Variants in WASF3 observed in about 807,000 individuals in gnomAD.
WASF3 encodes the protein WASP family member 3.
WASF3 carries 11 observed loss-of-function variants against 46.6 expected under a neutral mutation model. The observed-to-expected ratio is 0.24, with a 90% CI of 0.15 to 0.39. The LOEUF is 0.39. Among genes scored for constraint, WASF3 ranks in the 10% least tolerant of loss-of-function variants. The pLI is 1.00. For missense variants in WASF3, 576 were observed against 669.8 expected (o/e 0.86, Z 1.55); for synonymous variants, 242 against 259.7 (o/e 0.93, Z 0.65).
rs371688317 is a variant in WASF3 at position 26,580,766 on chromosome 13, C to T, written c.-109+22947C>T. On this transcript the variant is annotated intron_variant, in intron 1 of 9. Transcript: ENST00000335327. ...TCAGCCTCCCGAGTAGCTGGGATTA[C>T]AGGCGTGTGCCACCACACCCGGCTA... is the stretch of plus-strand genomic sequence containing the variant. Among the ~76,000 whole-genome samples the T allele has an allele frequency of 1.1e-3, 169 of 151,828 alleles. 3 individuals are homozygous for T. The highest frequency in any genetic ancestry group is 6.4e-3 in the South Asian group (31 of 4,814).
At chr13:26,670,437 A>G (rs1882897326) in intron 5 of WASF3, among the ~76,000 whole-genome samples, 1 of 152,154 alleles carries the variant, frequency 6.6e-6, no homozygotes, top group African/African-American at 2.4e-5. Flanking sequence ...CATGGCACAT[A>G]TACCTGTGTA....
intron 1 of WASF3, among the ~76,000 whole-genome samples, chr13:26,610,445 C>G (rs1414934706): frequency 6.6e-6 from 1 of 152,122 alleles, no homozygotes; most frequent in Non-Finnish European, 1.5e-5. Context: ...CAGGGTTGGG[C>G]TTTGGTTTTA....
rs905630207 is a variant in WASF3 at position 26,688,139 on chromosome 13, A to G, written c.*2294A>G. The G allele has an allele frequency of 6.6e-6, 1 of 152,190 alleles. No individual in the cohort carries two copies. Among genetic ancestry groups the G allele is most frequent in the Non-Finnish European group, 1.5e-5 (1 of 68,028 alleles). The allele number at this position is 152,190 out of a possible 1,614,324, so 9.4% of individuals were successfully genotyped here. A position where few individuals can be genotyped will look rare whatever the true frequency, so the allele number is the denominator to read the frequency against. ...AAGAATGGAAAATGACTGAAATCCAATTTAGATTATTTTTAGAGTATTTTT... is the reference window on the plus strand; with the variant it reads ...AAGAATGGAAAATGACTGAAATCCAGTTTAGATTATTTTTAGAGTATTTTT... On this transcript the variant is annotated 3_prime_UTR_variant, in exon 10 of 10. Coordinates refer to ENST00000335327, the MANE Select transcript of WASF3 (RefSeq NM_006646.6).
chr13:26,656,776 A>G (rs912377246), intron 3 of WASF3, among the ~76,000 whole-genome samples: 1 of 152,154 alleles, frequency 6.6e-6, no homozygotes. Context: ...AAAATTATTT[A>G]TTTTAAATAA....
At chr13:26,559,993 C>G (rs1879246328) in intron 1 of WASF3, among the ~76,000 whole-genome samples, 1 of 151,176 alleles carries the variant, frequency 6.6e-6, no homozygotes, top group African/African-American at 2.4e-5. Flanking sequence ...AATTTTTGTA[C>G]TTTTAGTAGA....
rs147677556 is a variant in WASF3 at position 26,632,388 on chromosome 13, T to C, written c.-10-9873T>C. Among the ~76,000 whole-genome samples, 691 of 152,318 alleles carry C rather than the reference T, an allele frequency of 4.5e-3. 4 individuals are homozygous for C. Among genetic ancestry groups the C allele is most frequent in the African/African-American group, 0.016 (652 of 41,572 alleles). ...TGAGAGTTTTTAGCACAAAGGACTG[T>C]TGAATTTTGTCAAAGGCCTTTCCTG... On this transcript the variant is annotated intron_variant, in intron 2 of 9. Transcript: ENST00000335327.
intron 1 of WASF3, among the ~76,000 whole-genome samples, chr13:26,596,025 G>A (rs1356775131): frequency 1.3e-5 from 2 of 151,760 alleles, no homozygotes. Context: ...ATTGGAAAGT[G>A]AATCTTTAGT....
At chr13:26,685,105 T>A (rs1204381108) in intron 9 of WASF3, among the ~76,000 whole-genome samples, 9 of 141,726 alleles carry the variant, frequency 6.4e-5, no homozygotes, top group Non-Finnish European at 9.2e-5. Context: ...AAAAAAAAAA[T>A]GGATAAACAT....
At chr13:26,554,043 CCT>C (rs1566032351), upstream of WASF3, among the ~76,000 whole-genome samples, 1,358 of 59,896 alleles carry the variant, frequency 0.023, 240 homozygotes, top group South Asian at 0.028. Context: ...CTCTTTCTTT[CCT>C]TCCTTCCTTC....
intron 3 of WASF3, among the ~76,000 whole-genome samples, chr13:26,656,672 A>C (rs767829616): frequency 9.2e-5 from 14 of 152,076 alleles, no homozygotes; most frequent in Non-Finnish European, 2.9e-5. Context: ...ACTTCCATTA[A>C]AGTTTTTAAT....
At chr13:26,559,804 CTTTCTTT>C (rs1259485266) in intron 1 of WASF3, among the ~76,000 whole-genome samples, 2 of 50,660 alleles carry the variant, frequency 3.9e-5, no homozygotes, top group East Asian at 5.2e-4. Flanking sequence ...TTCTTTCTTT[CTTTCTTT>C]TTTTTTTTTT....
chr13:26,682,770 C>G lies in WASF3; in HGVS notation c.1147C>G (p.Pro383Ala). The change falls in exon 9 of 10, where the codon CCT becomes GCT. Residue 383 changes from proline to alanine, a missense_variant. This residue lies in a region of WASF3 where 295 missense variants were observed against 291.5 expected (regional missense o/e 1.01). Coordinates refer to ENST00000335327, the MANE Select transcript of WASF3 (RefSeq NM_006646.6). The surrounding 1 kb of genome is among the most constrained non-coding windows in gnomAD (Gnocchi z 4.4). The stretch of plus-strand genomic sequence containing the variant: ...AGCCAGCTCCACGCACGCAGCTCCT[C>G]CTCACCCACCCTCCACCGGGCTCCT... ...ASASSTHAAP[P>A]HPPSTGLLVT... The G allele has an allele frequency of 6.2e-7, 1 of 1,612,566 alleles. No homozygotes were observed. Among genetic ancestry groups the G allele is most frequent in the Non-Finnish European group, 8.5e-7 (1 of 1,180,030 alleles).
At chr13:26,574,725 T>A (rs1879741192) in intron 1 of WASF3, among the ~76,000 whole-genome samples, 1 of 152,214 alleles carries the variant, frequency 6.6e-6, no homozygotes, top group Non-Finnish European at 1.5e-5. Context: ...TGTTCATTTA[T>A]TGTTTGATGT....
intron 1 of WASF3, among the ~76,000 whole-genome samples, chr13:26,566,986 A>C (rs1263367374): frequency 1.3e-5 from 2 of 152,172 alleles, no homozygotes; most frequent in South Asian, 4.2e-4. Flanking sequence ...CCCCCATTTC[A>C]CACTTGGGGC....
At chr13:26,559,786 T>TC (rs1417743179) in intron 1 of WASF3, among the ~76,000 whole-genome samples, 2 of 115,476 alleles carry the variant, frequency 1.7e-5, no homozygotes, top group African/African-American at 6.1e-5. Context: ...CTTTTTCTTT[T>TC]CTTTTCTTTC....
At chr13:26,655,327 A>C (rs1882435676) in intron 3 of WASF3, among the ~76,000 whole-genome samples, 1 of 152,130 alleles carries the variant, frequency 6.6e-6, no homozygotes, top group African/African-American at 2.4e-5. Context: ...TTTCCTCGTG[A>C]CTGGATTTAA....
chr13:26,667,176 T>C (rs145959889), intron 4 of WASF3, among the ~76,000 whole-genome samples: 56 of 152,346 alleles, frequency 3.7e-4, no homozygotes, highest in African/African-American at 1.2e-3. Context: ...CCTTAGGATA[T>C]TCAAATCTGT....
intron 2 of WASF3, among the ~76,000 whole-genome samples, chr13:26,632,382 G>A (rs879374672): frequency 2.6e-5 from 4 of 152,134 alleles, no homozygotes; most frequent in Non-Finnish European, 5.9e-5. Context: ...TTAGCACAAA[G>A]GACTGTTGAA....
the WASF3 span, among the ~76,000 whole-genome samples, chr13:26,541,940 GC>G: frequency 6.6e-6 from 1 of 152,180 alleles, no homozygotes; most frequent in Non-Finnish European, 1.5e-5. Flanking sequence ...GGCCTTCTCT[GC>G]CAGGTGTTGG....
Sources: allele counts gnomAD v4.1 joint callset (sites outside exome capture counted in the v4.1 genomes callset), GRCh38; gene constraint gnomAD v4.1.1; regional missense constraint gnomAD v4.1.1; non-coding constraint Gnocchi (gnomAD v3.1); transcripts MANE v1.5; gene names NCBI Gene and HGNC (gene_info 2026-07-23, HGNC 2026-07-21).